Variants in GGTA1 observed in about 807,000 individuals in gnomAD.
The protein encoded by GGTA1 is inactive N-acetyllactosaminide alpha-1,3-galactosyltransferase.
Under a neutral mutation model 2.6 loss-of-function variants are expected in GGTA1, and 5 were observed. The observed-to-expected ratio is 1.92, with a 90% CI of 1.00 to 4.04. The LOEUF is 4.04. Ranked by LOEUF, GGTA1 falls within the 30% of genes most tolerant of loss-of-function variation. GGTA1 has a pLI of 0.00. For synonymous variants in GGTA1, 17 were observed against 5.0 expected, an observed-to-expected ratio of 3.38 and a Z score of -3.19; for missense variants, 50 against 16.7, an observed-to-expected ratio of 2.99 and a Z score of -3.47.
chr9:121,463,266 T>C (rs2064975768), intron 3 of GGTA1, 27 bp downstream of exon 3: 1 of 452,438 alleles, frequency 2.2e-6, no homozygotes, highest in Non-Finnish European at 4.4e-6. Flanking sequence ...AAACATCCCC[T>C]AGAAATCTAG....
At chr9:121,459,309 T>C (rs1438238346) in intron 5 of GGTA1, among the ~76,000 whole-genome samples, 2 of 152,046 alleles carry the variant, frequency 1.3e-5, no homozygotes, top group Non-Finnish European at 2.9e-5. Flanking sequence ...AATTAAAAAT[T>C]AGCTGGCCGT....
intron 1 of GGTA1, among the ~76,000 whole-genome samples, chr9:121,473,897 G>A (rs918146011): frequency 4.9e-5 from 7 of 143,010 alleles, no homozygotes; most frequent in African/African-American, 1.5e-4. Flanking sequence ...CAGCCTGGGC[G>A]ACAGAGTGAG....
intron 5 of GGTA1, among the ~76,000 whole-genome samples, chr9:121,459,085 C>A (rs16910635): frequency 6.6e-6 from 1 of 152,302 alleles, no homozygotes; most frequent in African/African-American, 2.4e-5. Context: ...GCATGGATCC[C>A]TTATCCCCAA....
chr9:121,445,541 A>G (rs1290365044), exon 8 of GGTA1: 1 of 152,340 alleles, frequency 6.6e-6, no homozygotes, highest in East Asian at 1.9e-4. Flanking sequence ...ATATACGTGC[A>G]TAGGTACACA....
intron 1 of GGTA1, among the ~76,000 whole-genome samples, chr9:121,473,488 T>C (rs1828438906): frequency 2.0e-5 from 3 of 152,120 alleles, no homozygotes; most frequent in African/African-American, 7.2e-5. Flanking sequence ...TTTAAAACAT[T>C]TTTATTTTTC....
intron 3 of GGTA1, among the ~76,000 whole-genome samples, chr9:121,461,779 A>C (rs182164727): frequency 6.6e-6 from 1 of 152,362 alleles, no homozygotes; most frequent in Non-Finnish European, 1.5e-5. Flanking sequence ...GAGCTTTATG[A>C]GTTGAAAATG....
chr9:121,447,742 T>C (rs2064858669), intron 7 of GGTA1: 1 of 151,994 alleles, frequency 6.6e-6, no homozygotes, highest in African/African-American at 2.4e-5. Flanking sequence ...AATCATCTTG[T>C]CTATATTTTA....
intron 1 of GGTA1, among the ~76,000 whole-genome samples, chr9:121,491,059 A>G (rs1196414620): frequency 1.3e-5 from 2 of 152,210 alleles, no homozygotes; most frequent in Non-Finnish European, 2.9e-5. Context: ...TCAAACACCA[A>G]TATCAGACAG....
At chr9:121,453,218 G>A (rs1236176634), downstream of GGTA1, among the ~76,000 whole-genome samples, 2 of 152,220 alleles carry the variant, frequency 1.3e-5, no homozygotes, top group Non-Finnish European at 2.9e-5. Flanking sequence ...TTTGATGGAG[G>A]CCCAGCAAGG....
rs565221432 is a variant in GGTA1 at position 121,490,181 on chromosome 9, T to G, written c.-10+9469A>C. On this transcript the variant is annotated intron_variant, in intron 1 of 5. Coordinates refer to ENST00000481799, the MANE Select transcript of GGTA1 (RefSeq NM_001382585.1). ...AACAGCTGGGTGGAATTACTAGTACTTCTACTAATAATAATGATAACAGCA... is the reference window on the plus strand; with the variant it reads ...AACAGCTGGGTGGAATTACTAGTACGTCTACTAATAATAATGATAACAGCA... 2.6e-5 allele frequency among the ~76,000 whole-genome samples: 4 copies of G among 152,180 alleles called. No individual in the cohort carries two copies. In the South Asian group the frequency reaches 8.3e-4, roughly 32 times the overall value.
At chr9:121,498,933 C>A (rs1829047042) in intron 1 of GGTA1, among the ~76,000 whole-genome samples, 2 of 150,138 alleles carry the variant, frequency 1.3e-5, no homozygotes, top group Admixed American at 6.7e-5. Context: ...TTTGTGCAAT[C>A]ATTGTGTTTA....
downstream of GGTA1, among the ~76,000 whole-genome samples, chr9:121,453,557 C>G (rs1353468541): frequency 6.6e-6 from 1 of 152,190 alleles, no homozygotes; most frequent in Non-Finnish European, 1.5e-5. Context: ...CATTTAGATT[C>G]AAACCCCAGT....
chr9:121,476,038 C>T lies in GGTA1; in HGVS notation c.-9-8107G>A, dbSNP rs928926310. Among the ~76,000 whole-genome samples the T allele has an allele frequency of 1.3e-5, 2 of 152,160 alleles. No homozygotes were observed. Among genetic ancestry groups the T allele is most frequent in the African/African-American group, 4.8e-5 (2 of 41,422 alleles). The stretch of plus-strand genomic sequence containing the variant: ...AGGGTTCTTGAAAGCATACTGTGCC[C>T]ATGGTCTGTTAATGCCCCCCACACA... On this transcript the variant is annotated intron_variant, in intron 1 of 5. Coordinates refer to ENST00000481799, the MANE Select transcript of GGTA1 (RefSeq NM_001382585.1). This position sits in a 1 kb window ranked among gnomAD's most constrained non-coding sequence, Gnocchi z 4.6.
rs77190592 is a variant in GGTA1, at chr9:121,483,111, A to C, written c.-9-15180T>G. ...TGATCCCCGGTCTCATGTGCCTCCCACTTTACAGTTTACAGAGCAGCCTCT... is the reference window on the plus strand; with the variant it reads ...TGATCCCCGGTCTCATGTGCCTCCCCCTTTACAGTTTACAGAGCAGCCTCT... On this transcript the variant is annotated intron_variant, in intron 1 of 5. Transcript: ENST00000481799. Among the ~76,000 whole-genome samples, 58 of 152,292 alleles carry C rather than the reference A, an allele frequency of 3.8e-4. No homozygotes were observed. In the East Asian group the frequency reaches 0.011, roughly 28 times the overall value.
intron 1 of GGTA1, among the ~76,000 whole-genome samples, chr9:121,485,669 G>T (rs997593063): frequency 1.3e-5 from 2 of 152,180 alleles, no homozygotes; most frequent in African/African-American, 4.8e-5. Context: ...CCCGCTCAGT[G>T]CTAGCATCCA....
At chr9:121,474,670 T>A (rs892397193) in intron 1 of GGTA1, among the ~76,000 whole-genome samples, 1 of 152,162 alleles carries the variant, frequency 6.6e-6, no homozygotes, top group African/African-American at 2.4e-5. Flanking sequence ...AATTCCACTC[T>A]GAAAGGAATT....
At chr9:121,481,642 A>G (rs1461289082) in intron 1 of GGTA1, among the ~76,000 whole-genome samples, 1 of 134,654 alleles carries the variant, frequency 7.4e-6, no homozygotes, top group Admixed American at 8.3e-5. Flanking sequence ...AGATTGCGCC[A>G]CTGCTCTCCA....
chr9:121,463,484 T>G (rs1030799652), intron 2 of GGTA1, among the ~76,000 whole-genome samples, 156 bp from the exon 3 acceptor site: 1 of 152,130 alleles, frequency 6.6e-6, no homozygotes, highest in Non-Finnish European at 1.5e-5. Flanking sequence ...ACCAATGACA[T>G]CAGGAGGATG....
chr9:121,480,277 C>T (rs557700923), intron 1 of GGTA1, among the ~76,000 whole-genome samples: 4 of 152,086 alleles, frequency 2.6e-5, no homozygotes, highest in African/African-American at 4.8e-5. Context: ...AGGATGGTCT[C>T]GATCTCTTGA....
Sources: allele counts gnomAD v4.1 joint callset (sites outside exome capture counted in the v4.1 genomes callset), GRCh38; gene constraint gnomAD v4.1.1; non-coding constraint Gnocchi (gnomAD v3.1); transcripts MANE v1.5; gene names NCBI Gene and HGNC (gene_info 2026-07-23, HGNC 2026-07-21).